DISC1: variants seen among roughly 807,000 people sequenced by gnomAD.
DISC1 encodes DISC1 scaffold protein, also known as disrupted in schizophrenia 1 protein.
DISC1 carries 57 observed loss-of-function variants against 84.5 expected under a neutral mutation model. The observed-to-expected ratio is 0.67, with a 90% CI of 0.55 to 0.84. The LOEUF (loss-of-function observed/expected upper bound fraction) is 0.84, where lower values mean the gene tolerates loss of function less well. DISC1 is among the 40% of genes least tolerant of loss of function. The pLI is 0.00. For missense variants in DISC1, 1,000 were observed against 1,057.8 expected, an observed-to-expected ratio of 0.95 and a Z score of 0.76; for synonymous variants, 411 against 415.2, an observed-to-expected ratio of 0.99 and a Z score of 0.12.
chr1:231,875,283 C>T (rs948165534), intron 9 of DISC1, among the ~76,000 whole-genome samples: 7 of 152,142 alleles, frequency 4.6e-5, no homozygotes, highest in East Asian at 1.9e-4. Flanking sequence ...CACCAGCCCC[C>T]AGCCCTGGTG....
intron 3 of DISC1, among the ~76,000 whole-genome samples, chr1:231,713,798 T>G (rs1266776004): frequency 6.2e-5 from 9 of 144,394 alleles, no homozygotes; most frequent in African/African-American, 2.0e-4. Flanking sequence ...ATAGGAGATA[T>G]ATATATATAG....
chr1:231,652,378 C>T (rs1305473324), intron 1 of DISC1, among the ~76,000 whole-genome samples: 1 of 152,018 alleles, frequency 6.6e-6, no homozygotes, highest in East Asian at 1.9e-4. Context: ...ATAGGTTTTC[C>T]AACTTGCTTG....
intron 9 of DISC1, among the ~76,000 whole-genome samples, chr1:231,851,312 C>T (rs200705627): frequency 4.6e-5 from 7 of 152,122 alleles, no homozygotes; most frequent in Non-Finnish European, 1.0e-4. Flanking sequence ...GTGGGTAATT[C>T]GCCGCCTTTC....
At chr1:231,693,765 A>C in intron 1 of DISC1, 61 bp from the exon 2 acceptor site, 1 of 1,609,920 alleles carries the variant, frequency 6.2e-7, no homozygotes, top group Non-Finnish European at 8.5e-7. Flanking sequence ...CTCCAGATGC[A>C]GTTCCAGCTG....
chr1:231,656,602 G>A (rs1045728279), intron 1 of DISC1, among the ~76,000 whole-genome samples: 52 of 152,004 alleles, frequency 3.4e-4, no homozygotes, highest in African/African-American at 1.2e-3. Flanking sequence ...TTTTAGGATT[G>A]TTCGTTCTTT....
intron 3 of DISC1, among the ~76,000 whole-genome samples, chr1:231,707,641 TCTC>T (rs1352597206): frequency 3.9e-5 from 6 of 152,120 alleles, no homozygotes; most frequent in African/African-American, 1.4e-4. Flanking sequence ...AATTGTAAAT[TCTC>T]CTGCAAACAA....
chr1:231,916,003 CA>C (rs2089595441), intron 9 of DISC1, among the ~76,000 whole-genome samples: 2 of 152,180 alleles, frequency 1.3e-5, no homozygotes, highest in Non-Finnish European at 2.9e-5. Context: ...GTGGATTATA[CA>C]GCTGAAAGCA....
At chr1:231,719,582 T>C (rs192078054) in intron 3 of DISC1, among the ~76,000 whole-genome samples, 75 of 152,300 alleles carry the variant, frequency 4.9e-4, no homozygotes, top group African/African-American at 1.7e-3. Flanking sequence ...ATAGGGTTGT[T>C]TGGAGAATTA....
At position 231,694,336 on chromosome 1, in the gene DISC1, C is replaced by T; in HGVS notation, c.578C>T (p.Pro193Leu). Residue 193 changes from proline to leucine, a missense_variant, in exon 2 of 13, where the codon CCT becomes CTT. By Grantham distance (98) the Pro-to-Leu change is moderately conservative (BLOSUM62 -3). Around this residue, in one of 3 missense-constraint regions of DISC1, gnomAD observed 292 missense variants for 280.2 expected, o/e 1.04. Coordinates refer to ENST00000439617, the MANE Select transcript of DISC1 (RefSeq NM_018662.3). The part of the protein sequence containing the change: ...SSNSCSPGCG[P>L]EVPPTPPGSH... ...AACAGCTGCAGCCCTGGCTGTGGCC[C>T]TGAGGTCCCCCCAACCCCTCCTGGC... is the stretch of plus-strand genomic sequence containing the variant. 6.2e-7 allele frequency: 1 copy of T among 1,614,248 alleles called. No individual in the cohort carries two copies. The highest frequency in any genetic ancestry group is 8.5e-7 in the Non-Finnish European group (1 of 1,180,038).
intron 9 of DISC1, chr1:231,866,754 C>T: frequency 4.6e-6 from 6 of 1,302,910 alleles, no homozygotes; most frequent in Non-Finnish European, 5.9e-6. Context: ...TGTATGGATT[C>T]TTCTTTCAAC....
chr1:231,927,103 T>TTCCAACTAGTTGCTC (rs1256500691), intron 9 of DISC1, among the ~76,000 whole-genome samples: 11 of 152,212 alleles, frequency 7.2e-5, no homozygotes, highest in Non-Finnish European at 1.6e-4. Flanking sequence ...GGGATTGTCC[T>TTCCAACTAGTTGCTC]TCCAACTAGT....
intron 6 of DISC1, among the ~76,000 whole-genome samples, chr1:231,782,644 A>G (rs1036721801): frequency 2.0e-5 from 3 of 152,218 alleles, no homozygotes; most frequent in Non-Finnish European, 2.9e-5. Context: ...AGTATTAAAT[A>G]TAAATGCAAA....
In DISC1 at chr1:231,954,040, A is replaced by G. The variant is rs1658959369; in HGVS notation, c.1982-4788A>G. On this transcript the variant is annotated intron_variant, in intron 9 of 12. Coordinates refer to ENST00000439617, the MANE Select transcript of DISC1 (RefSeq NM_018662.3). The surrounding 1 kb of genome is among the most constrained non-coding windows in gnomAD (Gnocchi z 4.8). ...ACTTCCTCCCACTTAACATTCTCCTACCTTCCGTGTTGACATTCTTCTACC... is the reference window on the plus strand; with the variant it reads ...ACTTCCTCCCACTTAACATTCTCCTGCCTTCCGTGTTGACATTCTTCTACC... Among the ~76,000 whole-genome samples the G allele has an allele frequency of 6.6e-6, 1 of 152,104 alleles. No individual in the cohort carries two copies.
chr1:231,986,211 C>G (rs1202718090), intron 10 of DISC1, among the ~76,000 whole-genome samples: 1 of 152,204 alleles, frequency 6.6e-6, no homozygotes, highest in Non-Finnish European at 1.5e-5. Flanking sequence ...ATTCACCCCT[C>G]CCTGTCCCCA....
Position 231,654,369 on chromosome 1 carries a change from G to A in DISC1, c.67+27435G>A, listed in dbSNP as rs1352930847. Among the ~76,000 whole-genome samples the A allele has an allele frequency of 2.0e-5, 3 of 151,454 alleles. 1 individual carries two copies. The highest frequency in any genetic ancestry group is 4.4e-5 in the Non-Finnish European group (3 of 67,914). ...TGACAAATAATTTACATATTTATGG[G>A]GTACAATGTGAAGCTTTCATATATT... On this transcript the variant is annotated intron_variant, in intron 1 of 12. Coordinates refer to ENST00000439617, the MANE Select transcript of DISC1 (RefSeq NM_018662.3).
intron 6 of DISC1, among the ~76,000 whole-genome samples, chr1:231,794,423 T>G (rs1463647039): frequency 6.6e-6 from 1 of 152,210 alleles, no homozygotes; most frequent in East Asian, 1.9e-4. Context: ...ATTGATTTTC[T>G]ATTCCCCTTA....
intron 9 of DISC1, among the ~76,000 whole-genome samples, chr1:231,913,327 C>G (rs1285138336): frequency 2.6e-5 from 4 of 152,156 alleles, no homozygotes; most frequent in Non-Finnish European, 4.4e-5. Flanking sequence ...CTTATAAATG[C>G]TTCATGTTGG....
chr1:231,945,928 G>T (rs1657097243), intron 9 of DISC1, among the ~76,000 whole-genome samples: 1 of 152,154 alleles, frequency 6.6e-6, no homozygotes, highest in African/African-American at 2.4e-5. Context: ...TGGAATCCCT[G>T]AATAAACTAA....
chr1:231,657,620 C>T lies in DISC1; in HGVS notation c.67+30686C>T, dbSNP rs1360152543. Reference sequence around the variant, plus strand: ...AGCATTTTTATAGTTTTGGGTTTTACACTTAAGTCTTTAATCCATCTTGAA... The same window carrying T: ...AGCATTTTTATAGTTTTGGGTTTTATACTTAAGTCTTTAATCCATCTTGAA... On this transcript the variant is annotated intron_variant, in intron 1 of 12. Transcript: ENST00000439617. Among the ~76,000 whole-genome samples, 3 of 152,262 alleles carry T rather than the reference C, an allele frequency of 2.0e-5. No individual in the cohort carries two copies. In the East Asian group the frequency reaches 5.8e-4, roughly 29 times the overall value.
Sources: gnomAD v4.1 joint callset for allele counts (sites outside exome capture counted in the v4.1 genomes callset) on GRCh38, gnomAD v4.1.1 for gene constraint, gnomAD v4.1.1 regional missense constraint, Gnocchi (gnomAD v3.1) non-coding constraint, MANE v1.5 for transcripts, NCBI Gene and HGNC (gene_info 2026-07-23, HGNC 2026-07-21) for gene names.